The following SLC35F1 variants were observed in gnomAD, a reference collection of about 807,000 sequenced individuals.
SLC35F1 encodes solute carrier family 35 member F1.
SLC35F1 carries 14 observed loss-of-function variants against 48.7 expected under a neutral mutation model. The observed-to-expected ratio is 0.29, with a 90% confidence interval of 0.19 to 0.45. SLC35F1 has a LOEUF of 0.45. SLC35F1 is among the 20% of genes least tolerant of loss of function. SLC35F1 has a pLI of 1.00. For synonymous variants in SLC35F1, 190 were observed against 202.2 expected (o/e 0.94, Z 0.51); for missense variants, 404 against 500.0 (o/e 0.81, Z 1.83).
At chr6:118,012,332 A>G (rs1777260324) in intron 1 of SLC35F1, among the ~76,000 whole-genome samples, 1 of 151,612 alleles carries the variant, frequency 6.6e-6, no homozygotes, top group African/African-American at 2.4e-5. Flanking sequence ...TGGGGAAAAA[A>G]AAAAAAAAGA....
intron 2 of SLC35F1, among the ~76,000 whole-genome samples, chr6:118,214,395 GATTAA>G (rs1198553571): frequency 6.6e-6 from 1 of 152,088 alleles, no homozygotes; most frequent in Non-Finnish European, 1.5e-5. Flanking sequence ...ACTTACAAAA[GATTAA>G]ATTAGAGTGT....
intron 1 of SLC35F1, among the ~76,000 whole-genome samples, chr6:118,101,154 C>T (rs971071483): frequency 7.9e-5 from 12 of 152,326 alleles, no homozygotes; most frequent in African/African-American, 1.9e-4. Context: ...GAAGAATTTT[C>T]TCCTGGCATT....
intron 1 of SLC35F1, among the ~76,000 whole-genome samples, chr6:117,959,007 G>A (rs1050410165): frequency 3.3e-5 from 5 of 152,202 alleles, no homozygotes; most frequent in Admixed American, 3.3e-4. Context: ...TGAACTAAGA[G>A]CATGGACTTC....
Position 118,136,673 on chromosome 6 carries a change from A to G in SLC35F1, c.174-17772A>G, listed in dbSNP as rs79549952. Among the ~76,000 whole-genome samples, 1,332 of 152,250 alleles carry G rather than the reference A, an allele frequency of 8.7e-3. 19 individuals carry two copies. The highest frequency in any genetic ancestry group is 0.03 in the African/African-American group (1,258 of 41,538). On this transcript the variant is annotated intron_variant, in intron 1 of 7. Transcript: ENST00000360388. ...GCATATACTTTTAATAAACTTTCCC[A>G]TAAGTATCAATGACAGAGTGCTTGC...
chr6:118,138,557 C>T (rs1773832602), intron 1 of SLC35F1, among the ~76,000 whole-genome samples: 1 of 152,130 alleles, frequency 6.6e-6, no homozygotes, highest in South Asian at 2.1e-4. Flanking sequence ...CCAACTCTGC[C>T]TTTTTCACTG....
In SLC35F1 at chr6:117,999,336, C is replaced by G. The variant is rs922831399; in HGVS notation, c.173+91437C>G. 8.8e-6 allele frequency: 14 copies of G among 1,595,234 alleles called. No homozygotes were observed. The African/African-American group carries it at 1.9e-4, about 21-fold the overall frequency. ...GCCAAGGGGCTCAGGCTGTGCCGGC[C>G]AAAGGCCAAGGCCAAGGCCAAGGAT... On this transcript the variant is annotated intron_variant, in intron 1 of 7. Coordinates refer to ENST00000360388, the MANE Select transcript of SLC35F1 (RefSeq NM_001029858.4).
At chr6:117,942,203 G>A (rs969358415) in intron 1 of SLC35F1, among the ~76,000 whole-genome samples, 4 of 152,104 alleles carry the variant, frequency 2.6e-5, no homozygotes, top group South Asian at 2.1e-4. Flanking sequence ...GCTTGAATTC[G>A]AGTCTCACTG....
At chr6:118,146,742 A>C (rs2051615) in intron 1 of SLC35F1, among the ~76,000 whole-genome samples, 116,809 of 152,020 alleles carry the variant, frequency 0.77, 45,010 homozygotes, top group South Asian at 0.83. Context: ...ACCCAGCAGG[A>C]CTTGGCAAAT....
At chr6:118,044,086 G>A (rs1204678266) in intron 1 of SLC35F1, among the ~76,000 whole-genome samples, 1 of 152,222 alleles carries the variant, frequency 6.6e-6, no homozygotes, top group African/African-American at 2.4e-5. Flanking sequence ...GTGCAGGCCA[G>A]TGCCTTGGGA....
At chr6:118,303,148 A>G (rs1776273909) in intron 7 of SLC35F1, among the ~76,000 whole-genome samples, 1 of 152,166 alleles carries the variant, frequency 6.6e-6, no homozygotes, top group Non-Finnish European at 1.5e-5. Context: ...ATACTGATGC[A>G]AGGGAGCTCA....
At position 118,259,291 on chromosome 6, in the gene SLC35F1, A is replaced by G. The variant is rs554186184; in HGVS notation, c.478-7704A>G. Among the ~76,000 whole-genome samples the G allele has an allele frequency of 1.2e-3, 176 of 152,102 alleles. 4 individuals carry two copies. In the South Asian group the frequency reaches 0.02, roughly 17 times the overall value. The stretch of plus-strand genomic sequence containing the variant: ...TCATACTCTGAAATTGAACAAGTAA[A>G]TAGCCACTAACTTTGTGGAGAAAAT... On this transcript the variant is annotated intron_variant, in intron 3 of 7. Transcript: ENST00000360388.
intron 1 of SLC35F1, among the ~76,000 whole-genome samples, chr6:118,015,494 G>A (rs939353417): frequency 6.6e-6 from 1 of 150,788 alleles, no homozygotes; most frequent in Non-Finnish European, 1.5e-5. Flanking sequence ...CCCTTTTTGT[G>A]TCCATGAGTT....
chr6:118,120,510 T>A (rs984251672), intron 1 of SLC35F1, among the ~76,000 whole-genome samples: 2 of 152,168 alleles, frequency 1.3e-5, no homozygotes, highest in African/African-American at 4.8e-5. Flanking sequence ...AAAGATTTGG[T>A]CATGTTACCC....
intron 7 of SLC35F1, among the ~76,000 whole-genome samples, chr6:118,305,972 T>C (rs1055188650): frequency 6.6e-6 from 1 of 152,196 alleles, no homozygotes; most frequent in Non-Finnish European, 1.5e-5. Context: ...TTTATTGTAG[T>C]TTCTATTGAC....
In SLC35F1 at chr6:118,131,264, A is replaced by T. The variant is rs576488427; in HGVS notation, c.174-23181A>T. 9.8e-5 allele frequency among the ~76,000 whole-genome samples: 15 copies of T among 152,328 alleles called. No homozygotes were observed. The East Asian group carries it at 1.9e-3, about 20-fold the overall frequency. On this transcript the variant is annotated intron_variant, in intron 1 of 7. Transcript: ENST00000360388. ...CATAAAACAAAAAAAATCTGTTAAC[A>T]TTCATAAAATACTATTATGCAGTTG...
At chr6:117,907,931 G>A (rs1433844798) in intron 1 of SLC35F1, 32 bp downstream of exon 1, 1 of 1,300,626 alleles carries the variant, frequency 7.7e-7, no homozygotes, top group Non-Finnish European at 9.7e-7. Context: ...GGGCGCGGGG[G>A]GCGGGGGCTG....
At chr6:118,275,246 A>G (rs530434200) in intron 4 of SLC35F1, among the ~76,000 whole-genome samples, 1 of 152,320 alleles carries the variant, frequency 6.6e-6, no homozygotes, top group Admixed American at 6.5e-5. Context: ...TTCTTAGAGA[A>G]GACTTCTAAT....
At chr6:118,270,623 T>TA (rs1775838110) in intron 4 of SLC35F1, among the ~76,000 whole-genome samples, 1 of 152,176 alleles carries the variant, frequency 6.6e-6, no homozygotes, top group Non-Finnish European at 1.5e-5. Context: ...AGCTTACTGG[T>TA]AAAAAATCAG....
At chr6:118,105,638 A>G (rs968789391) in intron 1 of SLC35F1, among the ~76,000 whole-genome samples, 3 of 152,172 alleles carry the variant, frequency 2.0e-5, no homozygotes, top group African/African-American at 7.2e-5. Flanking sequence ...TTCTTTTCTA[A>G]TGGGACTGTT....
Sources: allele counts gnomAD v4.1 joint callset (sites outside exome capture counted in the v4.1 genomes callset), GRCh38; gene constraint gnomAD v4.1.1; transcripts MANE v1.5; gene names NCBI Gene and HGNC (gene_info 2026-07-23, HGNC 2026-07-21).